Variants in MELTF observed in about 807,000 individuals in gnomAD.
The protein encoded by MELTF is antigen p97 (melanoma associated) identified by monoclonal antibodies 133.2 and 96.5.
In MELTF, 67 loss-of-function variants were observed where a neutral mutation model predicts 83.7. The observed-to-expected ratio is 0.80, with a 90% CI of 0.66 to 0.98. MELTF has a LOEUF of 0.98. MELTF is among the 50% of genes least tolerant of loss of function. The pLI, the probability that MELTF is intolerant of heterozygous loss-of-function variation, is 0.00. For synonymous variants in MELTF, 462 were observed against 447.6 expected, an observed-to-expected ratio of 1.03 and a Z score of -0.41; for missense variants, 1,002 against 1,035.6, an observed-to-expected ratio of 0.97 and a Z score of 0.44.
rs367773456 is a variant in MELTF at position 197,009,556 on chromosome 3, G to A, written c.1525+62C>T. The A allele has an allele frequency of 1.7e-4, 249 of 1,508,318 alleles. 2 individuals are homozygous for A. The African/African-American group carries it at 2.7e-3, about 16-fold the overall frequency. 93.4% of individuals were successfully genotyped at this position (1,508,318 alleles called of 1,614,324 possible). ...CAAGGTCCTCTCCCCAACAGGCTGC[G>A]GGTCCCTAGCTAACCCCAGAGAAGG... On this transcript the variant is annotated intron_variant, in intron 11 of 15. Transcript: ENST00000296350.
intron 6 of MELTF, among the ~76,000 whole-genome samples, chr3:197,020,719 A>T (rs1450762439): frequency 6.6e-6 from 1 of 151,654 alleles, no homozygotes; most frequent in Non-Finnish European, 1.5e-5. Context: ...ACCAGGCTGG[A>T]GTGCAGTGGT....
rs1025049686 is a variant in MELTF at position 197,002,656 on chromosome 3, G to A, written c.*716C>T. 6.6e-6 allele frequency: 1 copy of A among 152,204 alleles called. No homozygotes were observed. The highest frequency in any genetic ancestry group is 6.5e-5 in the Admixed American group (1 of 15,284). 9.4% of individuals were successfully genotyped at this position (152,204 alleles called of 1,614,324 possible). A position where few individuals can be genotyped will look rare whatever the true frequency, so the allele number is the denominator to read the frequency against. On this transcript the variant is annotated 3_prime_UTR_variant, in exon 16 of 16. Coordinates refer to ENST00000296350, the MANE Select transcript of MELTF (RefSeq NM_005929.6). Reference sequence around the variant, plus strand: ...TGGGTGCGGGCGGTGGGCATCCCACGGGGGTAGGGGAGGCGAGAGCCTGAG... The same window carrying A: ...TGGGTGCGGGCGGTGGGCATCCCACAGGGGTAGGGGAGGCGAGAGCCTGAG...
chr3:197,014,390 T>TTTTC (rs1719287717), intron 9 of MELTF, among the ~76,000 whole-genome samples: 1 of 143,480 alleles, frequency 7.0e-6, no homozygotes, highest in African/African-American at 2.6e-5. Context: ...AGAGTTTTTT[T>TTTTC]TTTTTTTTTT....
In MELTF at chr3:197,020,962, A is replaced by G. The variant is rs578225190; in HGVS notation, c.712+442T>C. Among the ~76,000 whole-genome samples the G allele has an allele frequency of 8.5e-5, 13 of 152,268 alleles. No individual in the cohort carries two copies. The South Asian group carries it at 1.7e-3, about 19-fold the overall frequency. ...ATTACAGGCATGAGCCACCGTGCCC[A>G]GCCTCAACACCAAACTATATCTTAA... is the stretch of plus-strand genomic sequence containing the variant. On this transcript the variant is annotated intron_variant, in intron 6 of 15. Transcript: ENST00000296350.
rs1718739282 is a variant in MELTF, at chr3:197,001,839, C to T, written c.*1533G>A. 3 of 152,198 alleles carry T rather than the reference C, an allele frequency of 2.0e-5. No homozygotes were observed. The highest frequency in any genetic ancestry group is 7.2e-5 in the African/African-American group (3 of 41,422). The allele number at this position is 152,198 out of a possible 1,614,324, so 9.4% of individuals were successfully genotyped here. ...TTAGCACTGACACAGCAGGGGTCCC[C>T]TGCTGCCACCTGACAATCCAGCGTC... On this transcript the variant is annotated 3_prime_UTR_variant, in exon 16 of 16. Coordinates refer to ENST00000296350, the MANE Select transcript of MELTF (RefSeq NM_005929.6).
chr3:197,015,562 T>C (rs370782793), intron 8 of MELTF, 46 bp from the exon 9 acceptor site: 13 of 1,567,600 alleles, frequency 8.3e-6, no homozygotes, highest in African/African-American at 8.1e-5. Context: ...AGTACTGCCA[T>C]GGAAGAGCAT....
At chr3:197,023,197 C>G (rs1719701702) in intron 4 of MELTF, 84 bp from the exon 5 acceptor site, 1 of 1,381,908 alleles carries the variant, frequency 7.2e-7, no homozygotes, top group African/African-American at 1.4e-5. Flanking sequence ...GGGGCCCGGG[C>G]TCTCATCTGG....
chr3:197,003,367 C>T lies in MELTF; in HGVS notation c.*5G>A, dbSNP rs1718830170. On this transcript the variant is annotated 3_prime_UTR_variant, in exon 16 of 16. Coordinates refer to ENST00000296350, the MANE Select transcript of MELTF (RefSeq NM_005929.6). This position sits in a 1 kb window ranked among gnomAD's most constrained non-coding sequence, Gnocchi z 6.2. ...CATCGGAGCTCTGGGGCGGGGCGGC[C>T]GGGCTCAGAGGGCGGGCGGGAGCAG... The T allele has an allele frequency of 1.9e-6, 2 of 1,036,322 alleles. No homozygotes were observed. The highest frequency in any genetic ancestry group is 2.3e-6 in the Non-Finnish European group (2 of 866,250). The allele number at this position is 1,036,322 out of a possible 1,614,324, so 64.2% of individuals were successfully genotyped here.
At chr3:197,017,855 C>A (rs566907586) in intron 6 of MELTF, among the ~76,000 whole-genome samples, 22 of 152,092 alleles carry the variant, frequency 1.4e-4, no homozygotes, top group East Asian at 3.9e-4. Flanking sequence ...CCAGCCTGGG[C>A]GACAGAGCGA....
At chr3:197,010,187 AG>A (rs1480919029) in intron 10 of MELTF, among the ~76,000 whole-genome samples, 1 of 152,238 alleles carries the variant, frequency 6.6e-6, no homozygotes, top group Non-Finnish European at 1.5e-5. Flanking sequence ...GCTCACACCC[AG>A]GTGGAAGGGA....
chr3:197,010,131 AGGCGCAGCTGAGGCTGCAGAAGCATTTT>A (rs1223725017), intron 10 of MELTF, among the ~76,000 whole-genome samples: 2 of 152,202 alleles, frequency 1.3e-5, no homozygotes, highest in African/African-American at 4.8e-5. Context: ...AGGAAAGTGG[AGGCGCAGCTGAGGCTGCAGAAGCATTTT>A]CCTACAGCCC....
intron 3 of MELTF, chr3:197,025,726 G>C (rs1719828154): frequency 6.6e-6 from 1 of 152,458 alleles, no homozygotes; most frequent in Non-Finnish European, 1.5e-5. Context: ...TGCAGGGTTG[G>C]ACTGTGCCGT....
rs1255928073 is a variant in MELTF, at chr3:197,029,369, C to T, written c.49+285G>A. Reference sequence around the variant, plus strand: ...GCCGCCCTCCGGGAGCTCCTCTCCACACCCCGAGGCCTCCCCACCACGCCT... The same window carrying T: ...GCCGCCCTCCGGGAGCTCCTCTCCATACCCCGAGGCCTCCCCACCACGCCT... On this transcript the variant is annotated intron_variant, in intron 1 of 15. Coordinates refer to ENST00000296350, the MANE Select transcript of MELTF (RefSeq NM_005929.6). The surrounding 1 kb of genome is among the most constrained non-coding windows in gnomAD (Gnocchi z 6.5). The T allele has an allele frequency of 2.8e-5, 10 of 358,918 alleles. No individual in the cohort carries two copies. The Admixed American group carries it at 4.7e-4, about 17-fold the overall frequency. 22.2% of individuals were successfully genotyped at this position (358,918 alleles called of 1,614,324 possible).
chr3:197,024,375 C>G lies in MELTF; in HGVS notation c.415G>C (p.Gly139Arg). The change falls in exon 4 of 16, where the codon GGC becomes CGC. Residue 139 changes from glycine (G) to arginine (R), a missense_variant. Gly to Arg is a moderately radical substitution (Grantham distance 125). Transcript: ENST00000296350. The surrounding 1 kb of genome is among the most constrained non-coding windows in gnomAD (Gnocchi z 5.3). ...AGGTAGCCCACGGGCACGTTCCAGC[C>G]CACTGTGCGATTGATGCCCGTGTGG... ...SCHTGINRTV[G>R]WNVPVGYLVE... is the part of the protein sequence containing the mutation. The G allele has an allele frequency of 1.9e-6, 3 of 1,609,644 alleles. No homozygotes were observed. The highest frequency in any genetic ancestry group is 2.5e-6 in the Non-Finnish European group (3 of 1,177,724).
At position 197,003,764 on chromosome 3, in the gene MELTF, G is replaced by A. The variant is rs1718868246; in HGVS notation, c.2137+137C>T. On this transcript the variant is annotated intron_variant, in intron 15 of 15. Transcript: ENST00000296350. The surrounding 1 kb of genome is among the most constrained non-coding windows in gnomAD (Gnocchi z 6.2). The stretch of plus-strand genomic sequence containing the variant: ...GCAGCCTCCTGGCCAAAATCCTCCC[G>A]GGACACCCCACCTGGACTGCTGCGA... 2.5e-6 allele frequency: 2 copies of A among 795,292 alleles called. No individual in the cohort carries two copies. The highest frequency in any genetic ancestry group is 3.4e-5 in the South Asian group (2 of 58,494). 49.3% of individuals were successfully genotyped at this position (795,292 alleles called of 1,614,324 possible).
At chr3:197,028,183 G>A in intron 1 of MELTF, 1 of 431,228 alleles carries the variant, frequency 2.3e-6, no homozygotes, top group South Asian at 4.5e-5. Context: ...GGGTCTACAG[G>A]TCGCTTCTCA....
At chr3:197,010,835 A>T (rs773625170) in intron 9 of MELTF, 41 bp from the exon 10 acceptor site, 2 of 1,588,086 alleles carry the variant, frequency 1.3e-6, no homozygotes, top group Non-Finnish European at 1.7e-6. Context: ...GGGTGGGCCC[A>T]GGATGGCTCT....
rs1210781469 is a variant in MELTF at position 197,006,055 on chromosome 3, C to G, written c.1938+494G>C. Among the ~76,000 whole-genome samples, 1 of 152,048 alleles carries G rather than the reference C, an allele frequency of 6.6e-6. No homozygotes were observed. Among genetic ancestry groups the G allele is most frequent in the Non-Finnish European group, 1.5e-5 (1 of 67,998 alleles). ...CTAACACGGTGAAACCCCTTCTCTACTAAAAAATAGAAAAAATTAGCCAGG... is the reference window on the plus strand; with the variant it reads ...CTAACACGGTGAAACCCCTTCTCTAGTAAAAAATAGAAAAAATTAGCCAGG... On this transcript the variant is annotated intron_variant, in intron 14 of 15. Coordinates refer to ENST00000296350, the MANE Select transcript of MELTF (RefSeq NM_005929.6). This position sits in a 1 kb window ranked among gnomAD's most constrained non-coding sequence, Gnocchi z 5.4.
In MELTF at chr3:197,023,084, C is replaced by T. The variant is rs553886588; in HGVS notation, c.517G>A (p.Val173Ile). 2.9e-5 allele frequency: 46 copies of T among 1,613,812 alleles called. No homozygotes were observed. Among genetic ancestry groups the T allele is most frequent in the Middle Eastern group, 3.3e-4 (2 of 6,050 alleles). Residue 173 changes from valine (V) to isoleucine (I), a missense_variant, in exon 5 of 16, where the codon GTC (valine) becomes ATC (isoleucine). Transcript: ENST00000296350. ...TAACTGGTCTCTCCTGCCCCCGGGACGCAGCTGCCCCCAAAATAGTCGCTG... is the reference window on the plus strand; with the variant it reads ...TAACTGGTCTCTCCTGCCCCCGGGATGCAGCTGCCCCCAAAATAGTCGCTG... The part of the protein sequence containing the change: ...AVSDYFGGSC[V>I]PGAGETSYSE...
Sources: allele counts gnomAD v4.1 joint callset (sites outside exome capture counted in the v4.1 genomes callset), GRCh38; gene constraint gnomAD v4.1.1; non-coding constraint Gnocchi (gnomAD v3.1); transcripts MANE v1.5; gene names NCBI Gene and HGNC (gene_info 2026-07-23, HGNC 2026-07-21).